Variants in TPX2 observed in about 807,000 individuals in gnomAD.
The protein encoded by TPX2 is targeting protein for Xklp2.
Under a neutral mutation model 93.6 loss-of-function variants are expected in TPX2, and 21 were observed. The observed-to-expected ratio is 0.22, with a 90% CI of 0.16 to 0.32. The LOEUF is 0.32. Ranked by LOEUF, TPX2 falls within the 10% of genes least tolerant of loss-of-function variation. TPX2 has a pLI of 1.00. For synonymous variants in TPX2, 281 were observed against 298.3 expected (o/e 0.94, Z 0.60); for missense variants, 776 against 871.1 (o/e 0.89, Z 1.37).
chr20:31,751,144 A>C (rs1405109782), intron 2 of TPX2, among the ~76,000 whole-genome samples: 1 of 152,148 alleles, frequency 6.6e-6, no homozygotes, highest in Admixed American at 6.5e-5. Context: ...AACAGGCTAG[A>C]TTCTTTAAAA....
At chr20:31,785,713 G>C (rs2062061920) in intron 12 of TPX2, among the ~76,000 whole-genome samples, 1 of 152,098 alleles carries the variant, frequency 6.6e-6, no homozygotes, top group South Asian at 2.1e-4. Flanking sequence ...AGCCCGGCTG[G>C]TCTCGAACTC....
At chr20:31,779,490 C>T (rs1233153376) in intron 10 of TPX2, among the ~76,000 whole-genome samples, 1 of 152,180 alleles carries the variant, frequency 6.6e-6, no homozygotes, top group Non-Finnish European at 1.5e-5. Context: ...GTTTCAAAAG[C>T]CTTTACCATA....
chr20:31,759,576 T>A, intron 3 of TPX2, among the ~76,000 whole-genome samples: 1 of 151,968 alleles, frequency 6.6e-6, no homozygotes, highest in African/African-American at 2.4e-5. Flanking sequence ...ATTTTTTGTA[T>A]TTTAGTAGAG....
chr20:31,784,032 C>T (rs926379498), intron 12 of TPX2, 111 bp downstream of exon 12: 1 of 1,158,060 alleles, frequency 8.6e-7, no homozygotes, highest in Non-Finnish European at 1.2e-6. Context: ...ATATTAGGAA[C>T]TGCAGGTGAT....
chr20:31,744,351 G>A lies in TPX2; in HGVS notation c.-71+1704G>A, dbSNP rs572705943. 1.6e-4 allele frequency among the ~76,000 whole-genome samples: 24 copies of A among 150,828 alleles called. 1 individual carries two copies. In the East Asian group the frequency reaches 4.3e-3, roughly 27 times the overall value. ...CTATTTTTGTGTTTTTAGTAGAGAC[G>A]GTTTCACCATATTGGCCAGGCTGGT... On this transcript the variant is annotated intron_variant, in intron 2 of 17. Transcript: ENST00000300403.
At chr20:31,780,076 G>A (rs1246782744) in intron 10 of TPX2, among the ~76,000 whole-genome samples, 2 of 152,040 alleles carry the variant, frequency 1.3e-5, no homozygotes, top group Non-Finnish European at 2.9e-5. Context: ...ACAGAGTCTC[G>A]TTCTGGGTGT....
chr20:31,764,016 C>G (rs1454664206), intron 4 of TPX2, among the ~76,000 whole-genome samples: 1 of 151,422 alleles, frequency 6.6e-6, no homozygotes, highest in Non-Finnish European at 1.5e-5. Flanking sequence ...AAGACTCCAT[C>G]TCAAAAACAA....
Position 31,768,012 on chromosome 20 carries a change from G to A in TPX2, c.356+1330G>A, listed in dbSNP as rs1237211581. Among the ~76,000 whole-genome samples the A allele has an allele frequency of 2.1e-4, 31 of 149,118 alleles. 1 individual carries two copies. The highest frequency in any genetic ancestry group is 2.0e-3 in the Admixed American group (30 of 14,830). The stretch of plus-strand genomic sequence containing the variant: ...AATGGCATGATCTTGGCTCACTGCA[G>A]CCTCGACCTCTCAGGTGTAAGCAAT... On this transcript the variant is annotated intron_variant, in intron 5 of 17. Transcript: ENST00000300403.
rs117390345 is a variant in TPX2 at position 31,776,673 on chromosome 20, C to T, written c.730+685C>T. ...CCTGAGTAGCTGGGATTACAGGGGT[C>T]CACCACCACGTCTGGCTAGTTCTTT... On this transcript the variant is annotated intron_variant, in intron 8 of 17. Coordinates refer to ENST00000300403, the MANE Select transcript of TPX2 (RefSeq NM_012112.5). Among the ~76,000 whole-genome samples the T allele has an allele frequency of 7.0e-3, 1,060 of 151,970 alleles. 2 individuals are homozygous for T. Among genetic ancestry groups the T allele is most frequent in the Non-Finnish European group, 0.01 (705 of 67,950 alleles).
chr20:31,747,872 A>G (rs1338144280), intron 2 of TPX2, among the ~76,000 whole-genome samples: 2 of 148,178 alleles, frequency 1.3e-5, no homozygotes, highest in Non-Finnish European at 3.0e-5. Flanking sequence ...GGGCTCTCTC[A>G]TTTAAACAGC....
intron 5 of TPX2, among the ~76,000 whole-genome samples, chr20:31,768,571 A>G (rs1476772509): frequency 6.6e-6 from 1 of 152,112 alleles, no homozygotes; most frequent in Middle Eastern, 3.2e-3. Flanking sequence ...CAGGACACAC[A>G]CAGAAAAGCA....
intron 4 of TPX2, among the ~76,000 whole-genome samples, chr20:31,760,604 G>GCCTCAGGGGC (rs1568924728): frequency 6.6e-6 from 1 of 152,110 alleles, no homozygotes; most frequent in East Asian, 1.9e-4. Flanking sequence ...TGATCTTCCT[G>GCCTCAGGGGC]CCTCAGGGGC....
At chr20:31,761,552 G>A (rs1352169876) in intron 4 of TPX2, among the ~76,000 whole-genome samples, 1 of 151,896 alleles carries the variant, frequency 6.6e-6, no homozygotes, top group Non-Finnish European at 1.5e-5. Context: ...TGTCCTTCAG[G>A]TTCATCCATG....
intron 14 of TPX2, 51 bp from the exon 15 acceptor site, chr20:31,794,351 T>C: frequency 6.3e-7 from 1 of 1,590,582 alleles, no homozygotes; most frequent in Non-Finnish European, 8.5e-7. Flanking sequence ...GGAGCAGCTA[T>C]TGCTTTCCAG....
chr20:31,796,987 T>C (rs918801283), intron 15 of TPX2, among the ~76,000 whole-genome samples: 9 of 152,028 alleles, frequency 5.9e-5, no homozygotes, highest in Middle Eastern at 3.4e-3. Context: ...TCTTTGTGTT[T>C]GGAATCTTTT....
Position 31,792,844 on chromosome 20 carries a change from A to T in TPX2, c.1509+14A>T, listed in dbSNP as rs772251548. On this transcript the variant is annotated intron_variant, in intron 13 of 17. Coordinates refer to ENST00000300403, the MANE Select transcript of TPX2 (RefSeq NM_012112.5). ...AAAGAAGATGAGGTGATTCCCTGGG[A>T]GTAGGGGGGTTCTTTTTCCTTCTAT... 3 of 1,610,496 alleles carry T rather than the reference A, an allele frequency of 1.9e-6. No homozygotes were observed. In the South Asian group the frequency reaches 3.3e-5, roughly 18 times the overall value.
chr20:31,750,898 T>G (rs927420282), intron 2 of TPX2, among the ~76,000 whole-genome samples: 6 of 152,024 alleles, frequency 3.9e-5, no homozygotes, highest in African/African-American at 1.4e-4. Flanking sequence ...TTAACTATTT[T>G]GTTGTTGTTG....
At chr20:31,755,194 C>T (rs750421364) in intron 2 of TPX2, among the ~76,000 whole-genome samples, 4 of 152,116 alleles carry the variant, frequency 2.6e-5, no homozygotes, top group East Asian at 2.0e-4. Context: ...GTGATCCACC[C>T]GCCTTGGCCT....
chr20:31,771,421 G>T, intron 6 of TPX2, 139 bp from the exon 7 acceptor site: 1 of 1,096,494 alleles, frequency 9.1e-7, no homozygotes, highest in Non-Finnish European at 1.3e-6. Flanking sequence ...TGATACTGTT[G>T]GAAGAATCAT....
Sources: allele counts gnomAD v4.1 joint callset (sites outside exome capture counted in the v4.1 genomes callset), GRCh38; gene constraint gnomAD v4.1.1; transcripts MANE v1.5; gene names NCBI Gene and HGNC (gene_info 2026-07-23, HGNC 2026-07-21).